The following MTHFS variants were observed in gnomAD, a reference collection of about 807,000 sequenced individuals.
The protein encoded by MTHFS is methenyltetrahydrofolate synthetase.
In MTHFS, 7 loss-of-function variants were observed where a neutral mutation model predicts 12.7. The observed-to-expected ratio is 0.55, with a 90% CI of 0.31 to 1.03. The LOEUF is 1.03. MTHFS is among the 50% of genes least tolerant of loss of function. The probability of loss-of-function intolerance (pLI) is 0.05; values close to 1 mark genes in which losing one functional copy is unlikely to be tolerated. For synonymous variants in MTHFS, 100 were observed against 97.1 expected, an observed-to-expected ratio of 1.03 and a Z score of -0.18; for missense variants, 252 against 258.1, an observed-to-expected ratio of 0.98 and a Z score of 0.16.
intron 2 of MTHFS, among the ~76,000 whole-genome samples, chr15:79,878,514 T>A (rs1310441066): frequency 3.4e-5 from 5 of 147,788 alleles, no homozygotes; most frequent in African/African-American, 1.3e-4. Flanking sequence ...ATTATCTAGT[T>A]TGCCGTAGTG....
chr15:79,884,304 C>T (rs911455912), intron 2 of MTHFS, among the ~76,000 whole-genome samples: 5 of 152,168 alleles, frequency 3.3e-5, no homozygotes, highest in Non-Finnish European at 7.4e-5. Flanking sequence ...CAAGGAGGCA[C>T]AAGTATTAAG....
intron 2 of MTHFS, among the ~76,000 whole-genome samples, chr15:79,870,978 C>T (rs1173482559): frequency 6.6e-6 from 1 of 151,882 alleles, no homozygotes. Context: ...GCTGTCTCTA[C>T]TAAAAATACA....
chr15:79,897,104 G>A, upstream of MTHFS: 1 of 1,024,016 alleles, frequency 9.8e-7, no homozygotes, highest in Non-Finnish European at 1.3e-6. Flanking sequence ...TCGGGGCTCG[G>A]GGAAGCGCCC....
chr15:79,857,269 G>A (rs755988931), intron 2 of MTHFS, among the ~76,000 whole-genome samples: 2 of 152,064 alleles, frequency 1.3e-5, no homozygotes, highest in Non-Finnish European at 2.9e-5. Flanking sequence ...AAAGTGCTGC[G>A]ATTACAGGCA....
At chr15:79,867,903 T>C (rs2034039615) in intron 2 of MTHFS, among the ~76,000 whole-genome samples, 1 of 152,176 alleles carries the variant, frequency 6.6e-6, no homozygotes, top group East Asian at 1.9e-4. Flanking sequence ...ATGCACACTG[T>C]AGCTTTGAGT....
At chr15:79,847,720 C>T (rs1244149382) in intron 2 of MTHFS, among the ~76,000 whole-genome samples, 3 of 143,860 alleles carry the variant, frequency 2.1e-5, no homozygotes, top group Non-Finnish European at 3.1e-5. Flanking sequence ...CCAAAGAAGA[C>T]ATACAAATGG....
At chr15:79,866,412 G>C (rs1225074465) in intron 2 of MTHFS, among the ~76,000 whole-genome samples, 2 of 152,194 alleles carry the variant, frequency 1.3e-5, no homozygotes, top group Non-Finnish European at 2.9e-5. Context: ...GTGAGAAAGA[G>C]TGTCCTGGAT....
chr15:79,850,651 G>T lies in MTHFS; in HGVS notation c.380-5209C>A, dbSNP rs562164792. ...GAGAGAAGTAGACGCAGTGTCAAAT[G>T]TGGCAGAATGGACAAGTAAGGTAAG... On this transcript the variant is annotated intron_variant, in intron 2 of 2. Transcript: ENST00000258874. Among the ~76,000 whole-genome samples, 8 of 152,302 alleles carry T rather than the reference G, an allele frequency of 5.3e-5. No homozygotes were observed. In the East Asian group the frequency reaches 1.3e-3, roughly 26 times the overall value.
intron 2 of MTHFS, among the ~76,000 whole-genome samples, chr15:79,886,959 G>A (rs1184475123): frequency 6.6e-6 from 1 of 152,162 alleles, no homozygotes; most frequent in Non-Finnish European, 1.5e-5. Context: ...ACCATACATA[G>A]GCCGGGCACG....
chr15:79,890,207 C>CTTTTTTTTTTT (rs71150999), intron 1 of MTHFS, among the ~76,000 whole-genome samples: 2 of 100,692 alleles, frequency 2.0e-5, no homozygotes, highest in Non-Finnish European at 3.8e-5. Context: ...CTCTTTTTTC[C>CTTTTTTTTTTT]TTTTTTTTTT....
At chr15:79,887,182 G>A (rs1279649297) in intron 2 of MTHFS, among the ~76,000 whole-genome samples, 6 of 152,032 alleles carry the variant, frequency 3.9e-5, no homozygotes, top group Admixed American at 6.5e-5. Flanking sequence ...CCGAGATAGC[G>A]CCATTGCACT....
chr15:79,850,889 A>C (rs1470355339), intron 2 of MTHFS, among the ~76,000 whole-genome samples: 1 of 152,172 alleles, frequency 6.6e-6, no homozygotes, highest in Non-Finnish European at 1.5e-5. Context: ...GATTCAGTTC[A>C]CCGTACAAAA....
chr15:79,896,824 C>G, intron 1 of MTHFS, 48 bp downstream of exon 1: 3 of 1,537,216 alleles, frequency 2.0e-6, no homozygotes, highest in Non-Finnish European at 2.6e-6. Flanking sequence ...GCCGCCAGGC[C>G]TTCGGAGGGT....
At chr15:79,882,774 C>T (rs1341990732) in intron 2 of MTHFS, among the ~76,000 whole-genome samples, 3 of 152,246 alleles carry the variant, frequency 2.0e-5, no homozygotes, top group Non-Finnish European at 2.9e-5. Flanking sequence ...CAGTAACAGG[C>T]AGGTACAGGT....
At chr15:79,896,686 T>G (rs935490845) in intron 1 of MTHFS, 186 bp downstream of exon 1, 1 of 1,107,958 alleles carries the variant, frequency 9.0e-7, no homozygotes, top group Admixed American at 3.3e-5. Flanking sequence ...CCCGCCATAG[T>G]GCCAAGAGCG....
intron 2 of MTHFS, among the ~76,000 whole-genome samples, chr15:79,882,492 C>A (rs926321025): frequency 6.6e-6 from 1 of 152,214 alleles, no homozygotes; most frequent in African/African-American, 2.4e-5. Context: ...AAGTATTACT[C>A]CATGTACTTA....
chr15:79,858,121 A>G (rs1285182981), intron 2 of MTHFS, among the ~76,000 whole-genome samples: 2 of 152,178 alleles, frequency 1.3e-5, no homozygotes, highest in Non-Finnish European at 2.9e-5. Flanking sequence ...GATTCAAATC[A>G]ATAGTCATTA....
chr15:79,862,941 C>T (rs2033943468), intron 2 of MTHFS, among the ~76,000 whole-genome samples: 1 of 152,178 alleles, frequency 6.6e-6, no homozygotes, highest in African/African-American at 2.4e-5. Context: ...TCAATATCTC[C>T]TATGTCCTGA....
intron 2 of MTHFS, among the ~76,000 whole-genome samples, chr15:79,872,027 C>T (rs530771453): frequency 1.3e-5 from 2 of 148,342 alleles, no homozygotes; most frequent in South Asian, 4.2e-4. Context: ...ATCGCTTGAA[C>T]CCAGGAGGTG....
Sources: gnomAD v4.1 joint callset for allele counts (sites outside exome capture counted in the v4.1 genomes callset) on GRCh38, gnomAD v4.1.1 for gene constraint, MANE v1.5 for transcripts, NCBI Gene and HGNC (gene_info 2026-07-23, HGNC 2026-07-21) for gene names.